SH3RF3: variants seen among roughly 807,000 people sequenced by gnomAD.
SH3RF3 encodes E3 ubiquitin-protein ligase SH3RF3.
SH3RF3 carries 29 observed loss-of-function variants against 66.3 expected under a neutral mutation model. That is an observed-to-expected ratio of 0.44 (90% CI 0.33 to 0.60). The LOEUF is 0.60. Ranked by LOEUF, SH3RF3 falls within the 20% of genes least tolerant of loss-of-function variation. The pLI, the probability that SH3RF3 is intolerant of heterozygous loss-of-function variation, is 0.04. For synonymous variants in SH3RF3, 583 were observed against 532.0 expected (o/e 1.10, Z -1.32); for missense variants, 1,194 against 1,190.9 (o/e 1.00, Z -0.04).
At position 109,130,069 on chromosome 2, in the gene SH3RF3, A is replaced by G; in HGVS notation, c.529A>G (p.Ser177Gly). 2 of 1,366,250 alleles carry G rather than the reference A, an allele frequency of 1.5e-6. No homozygotes were observed. The highest frequency in any genetic ancestry group is 1.9e-6 in the Non-Finnish European group (2 of 1,060,842). The allele number at this position is 1,366,250 out of a possible 1,614,324, so 84.6% of individuals were successfully genotyped here. The change falls in exon 1 of 10, where the codon AGT becomes GGT. Residue 177 changes from serine to glycine, a missense_variant. Physicochemically the swap from Ser to Gly is moderately conservative, Grantham distance 56 (BLOSUM62 0). Coordinates refer to ENST00000309415, the MANE Select transcript of SH3RF3 (RefSeq NM_001099289.3). ...LSAAAGSTAGSLRELATSRTA... is the reference protein window; with the variant it reads ...LSAAAGSTAGGLRELATSRTA... ...CGCGGCCGCGGGCAGCACCGCCGGC[A>G]GTCTGCGGGAGCTGGCGACCAGCAG...
rs139420480 is a variant in SH3RF3, at chr2:109,280,047, C to T, written c.574-67627C>T. The stretch of plus-strand genomic sequence containing the variant: ...GAGGAGATTCTGGACTTCAGAATGC[C>T]AGCCAGGCTCCCCTCCTATTTTTTT... On this transcript the variant is annotated intron_variant, in intron 1 of 9. Transcript: ENST00000309415. Among the ~76,000 whole-genome samples, 970 of 152,280 alleles carry T rather than the reference C, an allele frequency of 6.4e-3. 11 individuals are homozygous for T. The highest frequency in any genetic ancestry group is 8.4e-3 in the Non-Finnish European group (573 of 68,028).
At chr2:109,359,047 A>T (rs1683005487) in intron 2 of SH3RF3, among the ~76,000 whole-genome samples, 1 of 151,978 alleles carries the variant, frequency 6.6e-6, no homozygotes, top group Non-Finnish European at 1.5e-5. Context: ...TCTTTTCTCC[A>T]TTGTATTGTC....
intron 3 of SH3RF3, among the ~76,000 whole-genome samples, chr2:109,374,787 A>G (rs1394061125): frequency 6.6e-6 from 1 of 152,214 alleles, no homozygotes; most frequent in Non-Finnish European, 1.5e-5. Flanking sequence ...CCCAGCGCAC[A>G]GCTGCCCTAT....
chr2:109,289,932 C>A (rs1012521096), intron 1 of SH3RF3, among the ~76,000 whole-genome samples: 4 of 152,154 alleles, frequency 2.6e-5, no homozygotes, highest in African/African-American at 9.7e-5. Context: ...TTCTTAAATC[C>A]AAAGCCTATG....
At chr2:109,430,477 C>T (rs1373382679) in intron 5 of SH3RF3, among the ~76,000 whole-genome samples, 3 of 152,032 alleles carry the variant, frequency 2.0e-5, no homozygotes, top group Non-Finnish European at 4.4e-5. Context: ...CTTTCTTCCT[C>T]TGTCCTCTCC....
intron 3 of SH3RF3, among the ~76,000 whole-genome samples, chr2:109,385,882 C>G (rs1027975666): frequency 7.1e-6 from 1 of 141,066 alleles, no homozygotes; most frequent in East Asian, 2.0e-4. Context: ...AAGAGATGGA[C>G]GTTTGGTTGA....
At chr2:109,292,319 G>A (rs780294747) in intron 1 of SH3RF3, among the ~76,000 whole-genome samples, 1 of 152,116 alleles carries the variant, frequency 6.6e-6, no homozygotes, top group Non-Finnish European at 1.5e-5. Context: ...TTAGTGTATT[G>A]GGGTTCCACA....
At chr2:109,269,945 G>T (rs1680586480) in intron 1 of SH3RF3, among the ~76,000 whole-genome samples, 1 of 152,216 alleles carries the variant, frequency 6.6e-6, no homozygotes, top group Admixed American at 6.5e-5. Flanking sequence ...TAATAAGCTG[G>T]TTGTACAGAG....
At chr2:109,483,940 A>G (rs1037732033) in intron 8 of SH3RF3, among the ~76,000 whole-genome samples, 1 of 151,154 alleles carries the variant, frequency 6.6e-6, no homozygotes, top group African/African-American at 2.4e-5. Context: ...CAAGCCCCCC[A>G]CAACCCCCGC....
At chr2:109,341,648 A>AC (rs1682555571) in intron 1 of SH3RF3, among the ~76,000 whole-genome samples, 1 of 152,168 alleles carries the variant, frequency 6.6e-6, no homozygotes, top group South Asian at 2.1e-4. Context: ...CTGCAAGGTC[A>AC]CCCCAAGACC....
chr2:109,188,722 C>T (rs981370494), intron 1 of SH3RF3, among the ~76,000 whole-genome samples: 6 of 152,074 alleles, frequency 3.9e-5, no homozygotes, highest in Non-Finnish European at 8.8e-5. Flanking sequence ...TGGTGCTTGC[C>T]GTCAGTGTGT....
intron 1 of SH3RF3, among the ~76,000 whole-genome samples, chr2:109,303,138 G>A (rs1179119952): frequency 1.3e-5 from 2 of 152,150 alleles, no homozygotes; most frequent in Non-Finnish European, 1.5e-5. Flanking sequence ...AGCCTCACAA[G>A]GTGCTAGGAC....
chr2:109,367,071 C>G lies in SH3RF3; in HGVS notation c.850-4515C>G, dbSNP rs537091353. Among the ~76,000 whole-genome samples, 6 of 151,470 alleles carry G rather than the reference C, an allele frequency of 4.0e-5. No individual in the cohort carries two copies. The South Asian group carries it at 1.3e-3, about 32-fold the overall frequency. ...TGGTTCAAGAGATTCTCGTGCCTCA[C>G]CCTCCAGAGCAGCTAGGATTACAGG... On this transcript the variant is annotated intron_variant, in intron 2 of 9. Coordinates refer to ENST00000309415, the MANE Select transcript of SH3RF3 (RefSeq NM_001099289.3).
chr2:109,416,936 C>T (rs1676741864), intron 4 of SH3RF3, among the ~76,000 whole-genome samples: 1 of 151,450 alleles, frequency 6.6e-6, no homozygotes, highest in South Asian at 2.1e-4. Flanking sequence ...AATTGTATGT[C>T]CAGTGCTTGG....
chr2:109,282,790 A>G (rs1287537540), intron 1 of SH3RF3, among the ~76,000 whole-genome samples: 2 of 152,192 alleles, frequency 1.3e-5, no homozygotes, highest in Non-Finnish European at 2.9e-5. Flanking sequence ...ACCAGGAGGT[A>G]GACCATGTCT....
At chr2:109,344,980 C>T (rs552795733) in intron 1 of SH3RF3, among the ~76,000 whole-genome samples, 2 of 152,238 alleles carry the variant, frequency 1.3e-5, no homozygotes, top group South Asian at 2.1e-4. Context: ...GGGTCTGCAT[C>T]AGTGAAGGGG....
chr2:109,282,047 G>T (rs970801381), intron 1 of SH3RF3, among the ~76,000 whole-genome samples: 2 of 152,124 alleles, frequency 1.3e-5, no homozygotes, highest in African/African-American at 4.8e-5. Context: ...TGTCAGAGGG[G>T]ATGCTGGTGG....
chr2:109,496,988 C>T lies in SH3RF3; in HGVS notation c.2481-4515C>T, dbSNP rs145568744. 1.2e-4 allele frequency among the ~76,000 whole-genome samples: 18 copies of T among 152,294 alleles called. No individual in the cohort carries two copies. In the East Asian group the frequency reaches 3.3e-3, roughly 28 times the overall value. ...GAAGCCTCCAGAGAAGGGATGAAGG[C>T]AGCTTCTAGCAACTGGAAAGGCAAG... is the stretch of plus-strand genomic sequence containing the variant. On this transcript the variant is annotated intron_variant, in intron 9 of 9. Coordinates refer to ENST00000309415, the MANE Select transcript of SH3RF3 (RefSeq NM_001099289.3).
chr2:109,318,430 T>G (rs1681938162), intron 1 of SH3RF3, among the ~76,000 whole-genome samples: 1 of 152,158 alleles, frequency 6.6e-6, no homozygotes, highest in Non-Finnish European at 1.5e-5. Context: ...GGGAATTGTG[T>G]GAGGCCTCCT....
Sources: allele counts gnomAD v4.1 joint callset (sites outside exome capture counted in the v4.1 genomes callset), GRCh38; gene constraint gnomAD v4.1.1; transcripts MANE v1.5; gene names NCBI Gene and HGNC (gene_info 2026-07-23, HGNC 2026-07-21).